Variants in NEGR1 observed in about 807,000 individuals in gnomAD.
NEGR1 encodes the protein IgLON family member 4.
Under a neutral mutation model 40.9 loss-of-function variants are expected in NEGR1, and 10 were observed. The ratio of observed to expected loss-of-function variants is 0.24; its 90% CI spans 0.15 to 0.42. NEGR1 has a LOEUF of 0.42. Among genes scored for constraint, NEGR1 ranks in the 10% least tolerant of loss-of-function variants. The pLI is 1.00. For synonymous variants in NEGR1, 185 were observed against 166.8 expected (o/e 1.11, Z -0.84); for missense variants, 352 against 438.9 (o/e 0.80, Z 1.77).
At chr1:71,549,035 C>T (rs1026676140) in intron 6 of NEGR1, among the ~76,000 whole-genome samples, 2 of 151,724 alleles carry the variant, frequency 1.3e-5, no homozygotes, top group African/African-American at 4.8e-5. Flanking sequence ...GTGTCTACAA[C>T]TTTATCCTTC....
chr1:72,277,094 G>T (rs1431453543), intron 1 of NEGR1, among the ~76,000 whole-genome samples: 1 of 152,158 alleles, frequency 6.6e-6, no homozygotes, highest in Admixed American at 6.5e-5. Flanking sequence ...AGGGAGAAAT[G>T]CCCTAGCCCC....
intron 2 of NEGR1, among the ~76,000 whole-genome samples, chr1:71,932,205 T>C (rs1441938485): frequency 6.6e-6 from 1 of 152,140 alleles, no homozygotes; most frequent in East Asian, 1.9e-4. Context: ...ATAAAAGTTA[T>C]AAAATATTTT....
intron 3 of NEGR1, among the ~76,000 whole-genome samples, chr1:71,711,042 A>T (rs1445470616): frequency 6.6e-6 from 1 of 152,110 alleles, no homozygotes; most frequent in Admixed American, 6.6e-5. Flanking sequence ...AGTTAAAAAA[A>T]TTTTAAATGG....
intron 2 of NEGR1, among the ~76,000 whole-genome samples, chr1:71,918,077 C>A (rs1186474717): frequency 6.7e-6 from 1 of 149,930 alleles, no homozygotes; most frequent in African/African-American, 2.5e-5. Flanking sequence ...ATTAGCCGGG[C>A]ATGGTGGCGG....
At chr1:71,911,206 AT>A (rs1188518452) in intron 2 of NEGR1, among the ~76,000 whole-genome samples, 1 of 152,200 alleles carries the variant, frequency 6.6e-6, no homozygotes, top group African/African-American at 2.4e-5. Context: ...ATTAAAGTGT[AT>A]TTGAATGGTA....
At chr1:72,028,832 A>G (rs1646833375) in intron 1 of NEGR1, among the ~76,000 whole-genome samples, 1 of 152,214 alleles carries the variant, frequency 6.6e-6, no homozygotes. Flanking sequence ...AAGAGTTTCA[A>G]TGTTTATTTC....
At chr1:72,185,263 T>C (rs576187763) in intron 1 of NEGR1, among the ~76,000 whole-genome samples, 3 of 152,062 alleles carry the variant, frequency 2.0e-5, no homozygotes, top group East Asian at 3.9e-4. Context: ...TTGAATAGTG[T>C]TTAGAATAAG....
intron 6 of NEGR1, among the ~76,000 whole-genome samples, chr1:71,511,309 A>C (rs1647071650): frequency 6.6e-6 from 1 of 152,214 alleles, no homozygotes; most frequent in African/African-American, 2.4e-5. Flanking sequence ...AGTATCTCTA[A>C]TATTAGTTTC....
intron 6 of NEGR1, among the ~76,000 whole-genome samples, chr1:71,438,919 G>C (rs893623020): frequency 1.3e-5 from 2 of 152,142 alleles, no homozygotes; most frequent in African/African-American, 4.8e-5. Flanking sequence ...AAGCTATACT[G>C]GCCAGAGGCA....
chr1:72,110,968 T>C (rs2100267542), intron 1 of NEGR1, among the ~76,000 whole-genome samples: 1 of 151,680 alleles, frequency 6.6e-6, no homozygotes, highest in Non-Finnish European at 1.5e-5. Context: ...TATGAAATAG[T>C]TATTATATCC....
chr1:71,654,171 T>A (rs907411066), intron 4 of NEGR1, among the ~76,000 whole-genome samples: 8 of 152,048 alleles, frequency 5.3e-5, no homozygotes, highest in Admixed American at 4.6e-4. Context: ...CAGCAAAAAG[T>A]AAGTAACTGT....
At chr1:71,789,543 CT>C (rs1657036540) in intron 2 of NEGR1, among the ~76,000 whole-genome samples, 1 of 152,024 alleles carries the variant, frequency 6.6e-6, no homozygotes, top group Non-Finnish European at 1.5e-5. Context: ...GTGAACTAGT[CT>C]CTTGGGTGTT....
At chr1:71,664,823 T>C (rs1017324323) in intron 4 of NEGR1, among the ~76,000 whole-genome samples, 2 of 152,186 alleles carry the variant, frequency 1.3e-5, no homozygotes, top group Non-Finnish European at 2.9e-5. Context: ...TCTGTTTAAG[T>C]TGATCCTACT....
chr1:71,856,678 G>C (rs898286086), intron 2 of NEGR1, among the ~76,000 whole-genome samples: 2 of 151,902 alleles, frequency 1.3e-5, no homozygotes, highest in Non-Finnish European at 2.9e-5. Flanking sequence ...TTATTCTTTT[G>C]TCCATGTTAA....
chr1:71,496,821 A>G (rs921121304), intron 6 of NEGR1, among the ~76,000 whole-genome samples: 6 of 152,124 alleles, frequency 3.9e-5, no homozygotes, highest in Admixed American at 3.9e-4. Context: ...TTCTATGATA[A>G]CCTATCAATG....
chr1:72,108,620 T>A (rs1300716047), intron 1 of NEGR1, among the ~76,000 whole-genome samples: 1 of 151,642 alleles, frequency 6.6e-6, no homozygotes, highest in Non-Finnish European at 1.5e-5. Context: ...TTTAGAGAAG[T>A]TGCTTTACAG....
chr1:71,639,243 C>T (rs1271377216), intron 4 of NEGR1, among the ~76,000 whole-genome samples: 10 of 151,504 alleles, frequency 6.6e-5, no homozygotes, highest in Non-Finnish European at 1.5e-4. Flanking sequence ...AAACAAGTTC[C>T]CCATGCCCAT....
At chr1:72,014,997 A>T (rs1646696360) in intron 1 of NEGR1, among the ~76,000 whole-genome samples, 1 of 152,090 alleles carries the variant, frequency 6.6e-6, no homozygotes, top group African/African-American at 2.4e-5. Context: ...TTTTCTAAGG[A>T]TCAATTATTT....
chr1:71,672,280 CAAAATT>C (rs1167523303), intron 4 of NEGR1, among the ~76,000 whole-genome samples: 2 of 151,884 alleles, frequency 1.3e-5, no homozygotes, highest in African/African-American at 4.8e-5. Context: ...TGGGTGAAGA[CAAAATT>C]AAATTAGATA....
Sources: allele counts gnomAD v4.1 joint callset (sites outside exome capture counted in the v4.1 genomes callset), GRCh38; gene constraint gnomAD v4.1.1; transcripts MANE v1.5; gene names NCBI Gene and HGNC (gene_info 2026-07-23, HGNC 2026-07-21).